The following MACROD2 variants were observed in gnomAD, a reference collection of about 807,000 sequenced individuals.
The protein encoded by MACROD2 is mono-ADP ribosylhydrolase 2, also known as ADP-ribose glycohydrolase MACROD2.
A neutral mutation model predicts 70.4 loss-of-function variants in MACROD2; 36 were observed. The ratio of observed to expected loss-of-function variants is 0.51; its 90% confidence interval spans 0.39 to 0.68. The LOEUF is 0.68. Ranked by LOEUF, MACROD2 falls within the 30% of genes least tolerant of loss-of-function variation. MACROD2 has a pLI of 0.00. For missense variants in MACROD2, 496 were observed against 538.4 expected, an observed-to-expected ratio of 0.92 and a Z score of 0.78; for synonymous variants, 172 against 178.8, an observed-to-expected ratio of 0.96 and a Z score of 0.30.
chr20:14,747,360 A>G (rs966729210), intron 5 of MACROD2, among the ~76,000 whole-genome samples: 4 of 152,210 alleles, frequency 2.6e-5, no homozygotes, highest in Non-Finnish European at 5.9e-5. Flanking sequence ...AGATAGAGGC[A>G]GAGGAGAATG....
rs558068453 is a variant in MACROD2 at position 15,776,372 on chromosome 20, A to T, written c.646-86373A>T. Among the ~76,000 whole-genome samples, 211 of 152,196 alleles carry T rather than the reference A, an allele frequency of 1.4e-3. 1 individual carries two copies. The highest frequency in any genetic ancestry group is 6.8e-3 in the Middle Eastern group (2 of 294). ...CTCTCCCAAAATATTCTCCAGAGTG[A>T]TGGACTGTGTTTTCTGGGAGGCTTC... On this transcript the variant is annotated intron_variant, in intron 8 of 17. Transcript: ENST00000684519.
intron 5 of MACROD2, among the ~76,000 whole-genome samples, chr20:14,790,266 T>A (rs941832594): frequency 3.3e-5 from 5 of 149,758 alleles, no homozygotes; most frequent in Non-Finnish European, 7.4e-5. Context: ...TTGGTTCATT[T>A]AAAAAAAAAA....
chr20:14,677,373 G>A (rs570405192), intron 4 of MACROD2, among the ~76,000 whole-genome samples: 1 of 152,204 alleles, frequency 6.6e-6, no homozygotes, highest in Non-Finnish European at 1.5e-5. Context: ...TTTCTATCCC[G>A]CTCTCAGACA....
intron 3 of MACROD2, among the ~76,000 whole-genome samples, chr20:14,463,377 A>G (rs2084396192): frequency 1.3e-5 from 2 of 151,992 alleles, no homozygotes; most frequent in African/African-American, 4.8e-5. Flanking sequence ...ATTTTTGCAC[A>G]TTGATTTTGT....
chr20:15,034,252 A>G (rs963343321), intron 5 of MACROD2, among the ~76,000 whole-genome samples: 4 of 152,188 alleles, frequency 2.6e-5, no homozygotes, highest in Non-Finnish European at 4.4e-5. Flanking sequence ...TTGGAATTCT[A>G]TATACTTTCC....
intron 5 of MACROD2, among the ~76,000 whole-genome samples, chr20:15,136,221 C>A (rs1268752462): frequency 1.4e-5 from 2 of 146,578 alleles, no homozygotes; most frequent in Non-Finnish European, 3.0e-5. Flanking sequence ...CTTTAAAGTT[C>A]ATATGGAACC....
intron 5 of MACROD2, among the ~76,000 whole-genome samples, chr20:14,959,249 A>G (rs1413367144): frequency 1.3e-5 from 2 of 152,154 alleles, no homozygotes; most frequent in African/African-American, 4.8e-5. Context: ...CTCCTGCCTC[A>G]GCCTCCTGAG....
intron 5 of MACROD2, among the ~76,000 whole-genome samples, chr20:14,897,304 A>C (rs755111267): frequency 6.6e-6 from 1 of 152,140 alleles, no homozygotes; most frequent in Admixed American, 6.6e-5. Flanking sequence ...GGATAATTAC[A>C]GTCTTATCAA....
intron 7 of MACROD2, among the ~76,000 whole-genome samples, chr20:15,447,051 C>CGTGTGCGT (rs370319132): frequency 6.8e-6 from 1 of 146,554 alleles, no homozygotes; most frequent in Non-Finnish European, 1.5e-5. Context: ...TAAGAGTGTG[C>CGTGTGCGT]GTGTGTGTGT....
chr20:14,891,353 A>G (rs1373553007), intron 5 of MACROD2, among the ~76,000 whole-genome samples: 4 of 152,130 alleles, frequency 2.6e-5, no homozygotes, highest in Non-Finnish European at 2.9e-5. Flanking sequence ...GAATATGAGG[A>G]AAAAAGTATT....
At chr20:14,205,738 T>C (rs2081517694) in intron 3 of MACROD2, among the ~76,000 whole-genome samples, 1 of 152,174 alleles carries the variant, frequency 6.6e-6, no homozygotes, top group Non-Finnish European at 1.5e-5. Context: ...ACCATTTGAT[T>C]GTCTTTGCAG....
chr20:15,434,529 T>G (rs416454), intron 7 of MACROD2, among the ~76,000 whole-genome samples: 124,548 of 152,030 alleles, frequency 0.82, 51,368 homozygotes, highest in African/African-American at 0.86. Flanking sequence ...ATAGATGTTG[T>G]GGTGGATGTG....
At chr20:15,825,488 T>G (rs908342878) in intron 8 of MACROD2, among the ~76,000 whole-genome samples, 3 of 35,986 alleles carry the variant, frequency 8.3e-5, no homozygotes, top group East Asian at 6.6e-4. Context: ...GATAAAATGG[T>G]TTTTTTTTGT....
chr20:15,642,644 G>A (rs1162686104), intron 8 of MACROD2, among the ~76,000 whole-genome samples: 3 of 150,140 alleles, frequency 2.0e-5, no homozygotes, highest in Non-Finnish European at 4.4e-5. Context: ...ACACACACGT[G>A]TGCATGCAAG....
chr20:14,683,413 C>G (rs1330002111), intron 4 of MACROD2, among the ~76,000 whole-genome samples: 1 of 152,152 alleles, frequency 6.6e-6, no homozygotes, highest in Non-Finnish European at 1.5e-5. Flanking sequence ...CATGCCATAT[C>G]TGGTAAATGT....
At chr20:14,624,041 C>T (rs1983988976) in intron 4 of MACROD2, among the ~76,000 whole-genome samples, 1 of 152,176 alleles carries the variant, frequency 6.6e-6, no homozygotes, top group South Asian at 2.1e-4. Flanking sequence ...ACTGTCTGGA[C>T]ATCTGCTGAA....
In MACROD2 at chr20:15,678,360, C is replaced by T. The variant is rs1373223749; in HGVS notation, c.645+178513C>T. Among the ~76,000 whole-genome samples the T allele has an allele frequency of 2.7e-5, 4 of 149,602 alleles. No homozygotes were observed. The East Asian group carries it at 7.9e-4, about 30-fold the overall frequency. On this transcript the variant is annotated intron_variant, in intron 8 of 17. Coordinates refer to ENST00000684519, the MANE Select transcript of MACROD2 (RefSeq NM_001351661.2). ...CAGCCTGGACAACAGAGCAAGGCCC[C>T]ATCTTTTTTTTTTTTTTGAGACGGA... is the stretch of plus-strand genomic sequence containing the variant.
At chr20:15,636,167 G>A (rs1421976634) in intron 8 of MACROD2, among the ~76,000 whole-genome samples, 2 of 151,000 alleles carry the variant, frequency 1.3e-5, no homozygotes, top group African/African-American at 4.9e-5. Context: ...GGGATATTTG[G>A]AAATCCCCAA....
At chr20:14,938,625 A>AG (rs2074361871) in intron 5 of MACROD2, among the ~76,000 whole-genome samples, 1 of 152,210 alleles carries the variant, frequency 6.6e-6, no homozygotes, top group East Asian at 1.9e-4. Context: ...TACTAAAAAA[A>AG]CAAAAATTAG....
Sources: allele counts gnomAD v4.1 joint callset (sites outside exome capture counted in the v4.1 genomes callset), GRCh38; gene constraint gnomAD v4.1.1; transcripts MANE v1.5; gene names NCBI Gene and HGNC (gene_info 2026-07-23, HGNC 2026-07-21).